The following ATG4B variants were observed in gnomAD, a reference collection of about 807,000 sequenced individuals.
The protein encoded by ATG4B is autophagy related 4B cysteine peptidase.
In ATG4B, 29 loss-of-function variants were observed where a neutral mutation model predicts 56.6. The observed-to-expected ratio is 0.51, with a 90% CI of 0.38 to 0.70. The LOEUF (loss-of-function observed/expected upper bound fraction) is 0.70, where lower values mean the gene tolerates loss of function less well. Ranked by LOEUF, ATG4B falls within the 30% of genes least tolerant of loss-of-function variation. ATG4B has a pLI of 0.00. For synonymous variants in ATG4B, 224 were observed against 206.1 expected (o/e 1.09, Z -0.74); for missense variants, 461 against 515.5 (o/e 0.89, Z 1.02).
chr2:241,668,408 C>A lies in ATG4B; in HGVS notation c.812-132C>A. ...CCTTTCCCTGATGGTCTGGTGCCCT[C>A]GGCTCCCTCCCCACCTCCTGCCCAC... On this transcript the variant is annotated intron_variant, in intron 9 of 12. Transcript: ENST00000404914. The surrounding 1 kb of genome is among the most constrained non-coding windows in gnomAD (Gnocchi z 4.2). 7.1e-7 allele frequency: 1 copy of A among 1,416,140 alleles called. No individual in the cohort carries two copies. Among genetic ancestry groups the A allele is most frequent in the Non-Finnish European group, 9.7e-7 (1 of 1,034,462 alleles). The allele number at this position is 1,416,140 out of a possible 1,614,324, so 87.7% of individuals were successfully genotyped here.
Position 241,668,707 on chromosome 2 carries a change from A to C in ATG4B, c.957+22A>C. 6.4e-7 allele frequency: 1 copy of C among 1,558,148 alleles called. No homozygotes were observed. Among genetic ancestry groups the C allele is most frequent in the South Asian group, 1.2e-5 (1 of 84,462 alleles). On this transcript the variant is annotated intron_variant, in intron 10 of 12. Coordinates refer to ENST00000404914, the MANE Select transcript of ATG4B (RefSeq NM_013325.5). The surrounding 1 kb of genome is among the most constrained non-coding windows in gnomAD (Gnocchi z 4.2). ...TGTGGTACGTGGCGGCCACCTGAGC[A>C]CACAGGCATTTGGTGCTGAATGCTG... is the stretch of plus-strand genomic sequence containing the variant.
intron 1 of ATG4B, among the ~76,000 whole-genome samples, chr2:241,649,941 G>A (rs544088674): frequency 8.6e-5 from 13 of 152,032 alleles, no homozygotes; most frequent in African/African-American, 3.1e-4. Context: ...CCGCCACCAC[G>A]CCTGGCTAAT....
chr2:241,646,714 T>C (rs1386627360), intron 1 of ATG4B, among the ~76,000 whole-genome samples: 1 of 151,846 alleles, frequency 6.6e-6, no homozygotes, highest in Non-Finnish European at 1.5e-5. Flanking sequence ...CTAATGTAAG[T>C]GTTCTGAGCA....
chr2:241,672,113 C>T, intron 12 of ATG4B, 78 bp from the exon 13 acceptor site: 1 of 1,537,220 alleles, frequency 6.5e-7, no homozygotes, highest in Non-Finnish European at 8.8e-7. Context: ...GCTCAGTCTG[C>T]CCCACGCCAA....
chr2:241,663,401 C>T (rs1209871226), intron 7 of ATG4B, among the ~76,000 whole-genome samples: 2 of 152,092 alleles, frequency 1.3e-5, no homozygotes, highest in Non-Finnish European at 2.9e-5. Flanking sequence ...CTGGGAATTT[C>T]TATGAAACTA....
intron 10 of ATG4B, among the ~76,000 whole-genome samples, chr2:241,669,145 C>T (rs144233333): frequency 6.9e-4 from 105 of 152,230 alleles, no homozygotes; most frequent in Middle Eastern, 6.8e-3. Flanking sequence ...CTTGACCTCT[C>T]TGGGGGATTT....
rs916738421 is a variant in ATG4B, at chr2:241,666,517, G to T, written c.539-128G>T. ...ACGCTTTTCTATATTTTCCAAGTTT[G>T]AATTTCACTGTAAGCACCTGGCTTT... is the stretch of plus-strand genomic sequence containing the variant. On this transcript the variant is annotated intron_variant, in intron 7 of 12. Transcript: ENST00000404914. 91 of 991,900 alleles carry T rather than the reference G, an allele frequency of 9.2e-5. No homozygotes were observed. In the African/African-American group the frequency reaches 1.3e-3, roughly 14 times the overall value. The allele number at this position is 991,900 out of a possible 1,614,324, so 61.4% of individuals were successfully genotyped here. A position where few individuals can be genotyped will look rare whatever the true frequency, so the allele number is the denominator to read the frequency against.
intron 1 of ATG4B, among the ~76,000 whole-genome samples, chr2:241,643,670 G>A (rs2067974720): frequency 7.4e-6 from 1 of 135,404 alleles, no homozygotes; most frequent in Non-Finnish European, 1.5e-5. Context: ...ATACGTGTGT[G>A]TGTGTGTGTG....
chr2:241,666,439 A>G (rs1270404006), intron 7 of ATG4B, among the ~76,000 whole-genome samples: 1 of 152,240 alleles, frequency 6.6e-6, no homozygotes, highest in Non-Finnish European at 1.5e-5. Flanking sequence ...TTAAGTATGC[A>G]TAGAAACTAT....
chr2:241,652,708 G>C (rs1262379839), intron 3 of ATG4B, among the ~76,000 whole-genome samples: 1 of 152,144 alleles, frequency 6.6e-6, no homozygotes, highest in Non-Finnish European at 1.5e-5. Context: ...AGTGGAGCGA[G>C]GGTGACCATG....
intron 12 of ATG4B, chr2:241,671,893 T>C (rs1415662634): frequency 7.5e-7 from 1 of 1,327,326 alleles, no homozygotes; most frequent in Admixed American, 3.3e-5. Flanking sequence ...AACAAGGCAA[T>C]GGCAATGGAA....
intron 1 of ATG4B, among the ~76,000 whole-genome samples, chr2:241,644,596 C>A (rs529808714): frequency 6.6e-6 from 1 of 151,992 alleles, no homozygotes; most frequent in African/African-American, 2.4e-5. Context: ...GTTGGCCGGG[C>A]GCGGTCTGCC....
At chr2:241,655,191 G>A (rs1226138000) in intron 5 of ATG4B, 80 bp from the exon 6 acceptor site, 35 of 1,437,306 alleles carry the variant, frequency 2.4e-5, no homozygotes, top group Non-Finnish European at 2.7e-5. Context: ...TTCCTGTGAC[G>A]TGTCTCCTGG....
chr2:241,638,050 C>T (rs1575047435), intron 1 of ATG4B, among the ~76,000 whole-genome samples: 1 of 151,732 alleles, frequency 6.6e-6, no homozygotes, highest in Middle Eastern at 3.4e-3. Context: ...GCGGCGGAGC[C>T]TGCCGGGCGG....
chr2:241,651,163 C>G lies in ATG4B; in HGVS notation c.112+52C>G, dbSNP rs2068217823. 6.4e-7 allele frequency: 1 copy of G among 1,568,980 alleles called. No homozygotes were observed. Among genetic ancestry groups the G allele is most frequent in the Admixed American group, 1.8e-5 (1 of 54,692 alleles). On this transcript the variant is annotated intron_variant, in intron 2 of 12. Transcript: ENST00000404914. This position sits in a 1 kb window ranked among gnomAD's most constrained non-coding sequence, Gnocchi z 4.1. ...GGTCTGACCGCTTGGCCTGCAGAAG[C>G]ATTTTGTGATCACTGTTCTCTGCTA...
chr2:241,650,959 A>G (rs1418043338), intron 1 of ATG4B, 51 bp from the exon 2 acceptor site: 2 of 1,461,214 alleles, frequency 1.4e-6, no homozygotes, highest in Non-Finnish European at 1.9e-6. Flanking sequence ...TTTCGATACT[A>G]GTTTATGAAA....
intron 7 of ATG4B, among the ~76,000 whole-genome samples, chr2:241,665,768 G>C (rs1180738928): frequency 2.0e-5 from 3 of 152,222 alleles, no homozygotes; most frequent in African/African-American, 7.2e-5. Context: ...CCTGATAATG[G>C]TGGTTTTTCT....
At chr2:241,664,481 T>C (rs1259974622) in intron 7 of ATG4B, among the ~76,000 whole-genome samples, 1 of 152,106 alleles carries the variant, frequency 6.6e-6, no homozygotes, top group Non-Finnish European at 1.5e-5. Flanking sequence ...GAGGCTGCAG[T>C]GAGACATGAT....
In ATG4B at chr2:241,654,512, T is replaced by C. The variant is rs1362209969; in HGVS notation, c.284-34T>C. 4.8e-6 allele frequency: 7 copies of C among 1,465,252 alleles called. No individual in the cohort carries two copies. In the South Asian group the frequency reaches 8.5e-5, roughly 18 times the overall value. The allele number at this position is 1,465,252 out of a possible 1,614,324, so 90.8% of individuals were successfully genotyped here. On this transcript the variant is annotated intron_variant, in intron 4 of 12. Transcript: ENST00000404914. Reference sequence around the variant, plus strand: ...AGTGAAAACTTGTTTCTCATATTTATGGTAGAGCTGACCTGTAATTTTTTT... The same window carrying C: ...AGTGAAAACTTGTTTCTCATATTTACGGTAGAGCTGACCTGTAATTTTTTT...
Sources: allele counts gnomAD v4.1 joint callset (sites outside exome capture counted in the v4.1 genomes callset), GRCh38; gene constraint gnomAD v4.1.1; non-coding constraint Gnocchi (gnomAD v3.1); transcripts MANE v1.5; gene names NCBI Gene and HGNC (gene_info 2026-07-23, HGNC 2026-07-21).